Variants in CDK5RAP2 observed in about 807,000 individuals in gnomAD.
CDK5RAP2 encodes CDK5 regulatory subunit-associated protein 2.
CDK5RAP2 carries 147 observed loss-of-function variants against 232.9 expected under a neutral mutation model. The observed-to-expected ratio is 0.63, with a 90% CI of 0.55 to 0.72. The LOEUF (loss-of-function observed/expected upper bound fraction) is 0.72, where lower values mean the gene tolerates loss of function less well. Among genes scored for constraint, CDK5RAP2 ranks in the 30% least tolerant of loss-of-function variants. The pLI, the probability that CDK5RAP2 is intolerant of heterozygous loss-of-function variation, is 0.00. For synonymous variants in CDK5RAP2, 833 were observed against 833.7 expected, an observed-to-expected ratio of 1.00 and a Z score of 0.01; for missense variants, 2,195 against 2,231.5, an observed-to-expected ratio of 0.98 and a Z score of 0.33.
At chr9:120,454,551 C>T (rs774031514) in intron 20 of CDK5RAP2, among the ~76,000 whole-genome samples, 112 of 152,218 alleles carry the variant, frequency 7.4e-4, no homozygotes, top group Non-Finnish European at 1.4e-3. Flanking sequence ...TTTTCATGTC[C>T]TTGCCACATA....
intron 3 of CDK5RAP2, among the ~76,000 whole-genome samples, chr9:120,561,663 C>A (rs1003434357): frequency 2.7e-4 from 2 of 7,456 alleles, no homozygotes; most frequent in South Asian, 0.018. Context: ...CTTATGAAAT[C>A]AACTATTTTC....
chr9:120,556,085 CG>C (rs2042218021), intron 3 of CDK5RAP2, among the ~76,000 whole-genome samples: 1 of 152,090 alleles, frequency 6.6e-6, no homozygotes, highest in African/African-American at 2.4e-5. Flanking sequence ...GTTGATATTA[CG>C]GAACTGTTCT....
intron 11 of CDK5RAP2, among the ~76,000 whole-genome samples, chr9:120,521,891 T>TGCCTCG (rs959889295): frequency 6.6e-6 from 1 of 152,086 alleles, no homozygotes; most frequent in African/African-American, 2.4e-5. Flanking sequence ...GTGATCCACC[T>TGCCTCG]GCCTCGGCCT....
At chr9:120,425,922 T>C (rs1187390170) in intron 25 of CDK5RAP2, among the ~76,000 whole-genome samples, 1 of 152,030 alleles carries the variant, frequency 6.6e-6, no homozygotes, top group East Asian at 1.9e-4. Flanking sequence ...CTACACACTG[T>C]GATAAGGGGC....
At chr9:120,507,468 T>G (rs1194591328) in intron 12 of CDK5RAP2, among the ~76,000 whole-genome samples, 1 of 152,166 alleles carries the variant, frequency 6.6e-6, no homozygotes, top group Non-Finnish European at 1.5e-5. Context: ...CCAGTGGTTT[T>G]ACAAGCCAAA....
chr9:120,419,090 T>A (rs1210794654), intron 27 of CDK5RAP2, among the ~76,000 whole-genome samples: 1 of 152,106 alleles, frequency 6.6e-6, no homozygotes, highest in Non-Finnish European at 1.5e-5. Flanking sequence ...AGTGCCCTCA[T>A]AAAACAGACC....
intron 25 of CDK5RAP2, among the ~76,000 whole-genome samples, chr9:120,434,381 G>A (rs1021937794): frequency 6.6e-6 from 1 of 152,210 alleles, no homozygotes; most frequent in Non-Finnish European, 1.5e-5. Context: ...CAGCCAGGGC[G>A]ATGGTACAGG....
intron 36 of CDK5RAP2, among the ~76,000 whole-genome samples, chr9:120,393,896 G>A (rs1753940973): frequency 6.6e-6 from 1 of 152,152 alleles, no homozygotes; most frequent in Non-Finnish European, 1.5e-5. Flanking sequence ...CCTCACTGGT[G>A]GAGCAGCCAC....
intron 3 of CDK5RAP2, among the ~76,000 whole-genome samples, chr9:120,551,460 CTT>C (rs2042038022): frequency 6.6e-6 from 1 of 152,168 alleles, no homozygotes; most frequent in African/African-American, 2.4e-5. Flanking sequence ...AAATTCATCT[CTT>C]ATCACCATTG....
intron 14 of CDK5RAP2, among the ~76,000 whole-genome samples, chr9:120,479,768 G>C (rs913337684): frequency 3.3e-5 from 5 of 152,158 alleles, no homozygotes; most frequent in African/African-American, 1.2e-4. Context: ...TTAAATGCAA[G>C]GCATGATCCT....
At chr9:120,531,961 T>C (rs999782772) in intron 7 of CDK5RAP2, among the ~76,000 whole-genome samples, 2 of 152,192 alleles carry the variant, frequency 1.3e-5, no homozygotes, top group African/African-American at 4.8e-5. Context: ...ACACTTAAAA[T>C]TGAAGCACTG....
intron 14 of CDK5RAP2, among the ~76,000 whole-genome samples, chr9:120,479,472 C>T (rs1031291045): frequency 6.6e-6 from 1 of 152,168 alleles, no homozygotes; most frequent in Admixed American, 6.5e-5. Flanking sequence ...CTGGCAGACA[C>T]TATCTTGATA....
chr9:120,451,690 G>A (rs2036487267), intron 21 of CDK5RAP2, among the ~76,000 whole-genome samples: 1 of 151,944 alleles, frequency 6.6e-6, no homozygotes, highest in South Asian at 2.1e-4. Flanking sequence ...ATCCCTGTCT[G>A]CATTTAAAAC....
At chr9:120,568,710 A>G (rs532181299) in intron 2 of CDK5RAP2, among the ~76,000 whole-genome samples, 1 of 152,210 alleles carries the variant, frequency 6.6e-6, no homozygotes, top group African/African-American at 2.4e-5. Flanking sequence ...ACAGAGTGTC[A>G]TCTTCTCACG....
intron 22 of CDK5RAP2, among the ~76,000 whole-genome samples, chr9:120,447,675 T>A (rs2036265561): frequency 6.6e-6 from 1 of 152,172 alleles, no homozygotes; most frequent in South Asian, 2.1e-4. Context: ...CACTGCAAGT[T>A]CCCTTTATCC....
intron 28 of CDK5RAP2, among the ~76,000 whole-genome samples, chr9:120,412,350 C>T (rs752929640): frequency 6.6e-6 from 1 of 152,212 alleles, no homozygotes; most frequent in Non-Finnish European, 1.5e-5. Flanking sequence ...CCACTTACTA[C>T]ACCACAGAGC....
intron 8 of CDK5RAP2, 137 bp from the exon 9 acceptor site, chr9:120,528,934 T>TC: frequency 1.4e-6 from 1 of 696,172 alleles, no homozygotes; most frequent in South Asian, 1.5e-5. Flanking sequence ...AAGTGTCCCC[T>TC]CCCTCTCTCC....
At chr9:120,471,644 G>C in intron 16 of CDK5RAP2, 104 bp downstream of exon 16, 1 of 1,517,452 alleles carries the variant, frequency 6.6e-7, no homozygotes, top group Non-Finnish European at 9.1e-7. Flanking sequence ...ACGAAACCCC[G>C]TGTATGCTTC....
chr9:120,545,883 C>CT (rs1332022921), intron 4 of CDK5RAP2, 93 bp from the exon 5 acceptor site: 2 of 956,892 alleles, frequency 2.1e-6, no homozygotes, highest in Non-Finnish European at 3.4e-6. Flanking sequence ...CACAGACTGA[C>CT]TACAGGATGC....
Sources: allele counts gnomAD v4.1 joint callset (sites outside exome capture counted in the v4.1 genomes callset), GRCh38; gene constraint gnomAD v4.1.1; transcripts MANE v1.5; gene names NCBI Gene and HGNC (gene_info 2026-07-23, HGNC 2026-07-21).